NMNAT1: variants seen among roughly 807,000 people sequenced by gnomAD.
The protein encoded by NMNAT1 is nicotinamide nucleotide adenylyltransferase 1.
Under a neutral mutation model 16.7 loss-of-function variants are expected in NMNAT1, and 11 were observed. That is an observed-to-expected ratio of 0.66 (90% CI 0.41 to 1.09). The LOEUF (loss-of-function observed/expected upper bound fraction) is 1.09, where lower values mean the gene tolerates loss of function less well. Ranked by LOEUF, NMNAT1 falls within the 50% of genes least tolerant of loss-of-function variation. The pLI is 0.00. For synonymous variants in NMNAT1, 110 were observed against 119.8 expected (o/e 0.92, Z 0.53); for missense variants, 280 against 332.3 (o/e 0.84, Z 1.22).
At chr1:9,967,397 GT>G (rs1473721376) in intron 1 of NMNAT1, 1 of 153,902 alleles carries the variant, frequency 6.5e-6, no homozygotes, top group Non-Finnish European at 1.5e-5. Flanking sequence ...TTCTCAAGTA[GT>G]TTCATGATAA....
intron 1 of NMNAT1, among the ~76,000 whole-genome samples, chr1:9,959,953 T>C (rs1339036569): frequency 1.3e-5 from 2 of 152,148 alleles, no homozygotes; most frequent in African/African-American, 2.4e-5. Flanking sequence ...TGCTTAAAGT[T>C]ATTGTTTTGA....
chr1:9,975,446 A>C (rs1641784358), intron 2 of NMNAT1, 146 bp from the exon 3 acceptor site: 1 of 565,008 alleles, frequency 1.8e-6, no homozygotes, highest in South Asian at 2.9e-5. Context: ...GGTTGCAGTG[A>C]GCCGAGATCA....
intron 1 of NMNAT1, among the ~76,000 whole-genome samples, chr1:9,945,276 T>C (rs893208207): frequency 2.6e-5 from 4 of 152,084 alleles, no homozygotes; most frequent in Non-Finnish European, 4.4e-5. Context: ...AAAATAAAAG[T>C]ACCTATTAAT....
intron 1 of NMNAT1, among the ~76,000 whole-genome samples, chr1:9,970,115 T>C (rs1306370303): frequency 6.6e-6 from 1 of 152,196 alleles, no homozygotes; most frequent in Non-Finnish European, 1.5e-5. Flanking sequence ...AGTCTGGAGA[T>C]AAACTATATT....
chr1:9,964,313 C>G (rs1429066258), intron 1 of NMNAT1, among the ~76,000 whole-genome samples: 1 of 151,408 alleles, frequency 6.6e-6, no homozygotes, highest in Non-Finnish European at 1.5e-5. Context: ...AGCAATCCTC[C>G]CACCTCCACT....
downstream of NMNAT1, among the ~76,000 whole-genome samples, chr1:9,987,735 GAGA>G (rs150398864): frequency 0.13 from 19,175 of 151,916 alleles, 2,424 homozygotes; most frequent in African/African-American, 0.32. Context: ...AGGCTGAGGT[GAGA>G]AGATTGCTTG....
chr1:9,993,754 A>G, the NMNAT1 span, among the ~76,000 whole-genome samples: 1 of 152,158 alleles, frequency 6.6e-6, no homozygotes, highest in Admixed American at 6.6e-5. Flanking sequence ...TCACAAATCT[A>G]CTGGATTCTT....
intron 3 of NMNAT1, among the ~76,000 whole-genome samples, chr1:9,976,004 C>T (rs1252055242): frequency 2.6e-5 from 4 of 152,020 alleles, no homozygotes; most frequent in East Asian, 3.9e-4. Flanking sequence ...AAGTTGTTTG[C>T]GGCCAGGCGC....
chr1:9,956,693 G>T (rs1219618267), intron 1 of NMNAT1, among the ~76,000 whole-genome samples: 1 of 150,516 alleles, frequency 6.6e-6, no homozygotes, highest in Non-Finnish European at 1.5e-5. Flanking sequence ...AAAGTGCTTG[G>T]ATTACAGGCA....
rs1642025262 is a variant in NMNAT1, at chr1:9,984,948, AGAAG to A, written c.*2254_*2257del. ...CATCATGAGGATCTAACAACAGAGTAGAAGGAAGGATGCCCTAGGTCAGCATGCA... is the reference window on the plus strand; with the variant it reads ...CATCATGAGGATCTAACAACAGAGTAGAAGGATGCCCTAGGTCAGCATGCA... On this transcript the variant is annotated 3_prime_UTR_variant, in exon 5 of 5. Transcript: ENST00000377205. 1 of 152,118 alleles carries A rather than the reference AGAAG, an allele frequency of 6.6e-6. No individual in the cohort carries two copies. Among genetic ancestry groups the A allele is most frequent in the Non-Finnish European group, 1.5e-5 (1 of 68,026 alleles). 9.4% of individuals were successfully genotyped at this position (152,118 alleles called of 1,614,324 possible).
intron 1 of NMNAT1, among the ~76,000 whole-genome samples, chr1:9,966,527 C>T (rs969338308): frequency 4.6e-5 from 7 of 151,794 alleles, no homozygotes; most frequent in Admixed American, 1.3e-4. Flanking sequence ...GCAGGAGAAT[C>T]GCTTGAACCC....
chr1:9,962,406 C>G (rs540437122), intron 1 of NMNAT1, among the ~76,000 whole-genome samples: 1 of 149,952 alleles, frequency 6.7e-6, no homozygotes, highest in East Asian at 2.1e-4. Context: ...GGCGTGAACC[C>G]GGGAGGCGGA....
At chr1:9,953,598 G>A (rs1241627972) in intron 1 of NMNAT1, among the ~76,000 whole-genome samples, 16 of 151,622 alleles carry the variant, frequency 1.1e-4, no homozygotes, top group South Asian at 8.3e-4. Context: ...GTGCCACCAC[G>A]CTCAGCTAAT....
At chr1:9,949,087 T>G (rs372584088) in intron 1 of NMNAT1, among the ~76,000 whole-genome samples, 8 of 150,940 alleles carry the variant, frequency 5.3e-5, no homozygotes, top group African/African-American at 1.9e-4. Context: ...CTGACCAACA[T>G]AGTGAAACCC....
chr1:9,973,016 G>T (rs536977602), intron 2 of NMNAT1, among the ~76,000 whole-genome samples: 26 of 152,294 alleles, frequency 1.7e-4, no homozygotes, highest in African/African-American at 5.8e-4. Context: ...ATCTTCTTTA[G>T]GAGTTTCCCA....
chr1:9,973,973 GATTAC>G (rs1040758526), intron 2 of NMNAT1, among the ~76,000 whole-genome samples: 17 of 151,728 alleles, frequency 1.1e-4, no homozygotes, highest in Admixed American at 3.9e-4. Context: ...CTGTAACTGG[GATTAC>G]AGGCACACAG....
At chr1:9,974,538 G>A (rs1487196259) in intron 2 of NMNAT1, among the ~76,000 whole-genome samples, 7 of 152,044 alleles carry the variant, frequency 4.6e-5, no homozygotes, top group South Asian at 2.1e-4. Context: ...ACAGGTGCCC[G>A]CCACCATGCC....
chr1:9,992,387 T>C, the NMNAT1 span, among the ~76,000 whole-genome samples: 1 of 151,978 alleles, frequency 6.6e-6, no homozygotes, highest in Non-Finnish European at 1.5e-5. Flanking sequence ...AGCCTAGGAT[T>C]ATAATTTTTT....
At chr1:9,971,236 G>T (rs1167008048) in intron 1 of NMNAT1, among the ~76,000 whole-genome samples, 1 of 152,170 alleles carries the variant, frequency 6.6e-6, no homozygotes, top group African/African-American at 2.4e-5. Context: ...TCTCTTCATG[G>T]TAGAAGTTGC....
Sources: gnomAD v4.1 joint callset for allele counts (sites outside exome capture counted in the v4.1 genomes callset) on GRCh38, gnomAD v4.1.1 for gene constraint, MANE v1.5 for transcripts, NCBI Gene and HGNC (gene_info 2026-07-23, HGNC 2026-07-21) for gene names.